The following IRAG1 variants were observed in gnomAD, a reference collection of about 807,000 sequenced individuals.
IRAG1 encodes inositol 1,4,5-triphosphate receptor associated 1.
A neutral mutation model predicts 106.2 loss-of-function variants in IRAG1; 62 were observed. The observed-to-expected ratio is 0.58, with a 90% confidence interval of 0.48 to 0.72. The LOEUF (loss-of-function observed/expected upper bound fraction) is 0.72. Ranked by LOEUF, IRAG1 falls within the 30% of genes least tolerant of loss-of-function variation. The probability of loss-of-function intolerance (pLI) is 0.00; values close to 1 mark genes in which losing one functional copy is unlikely to be tolerated. For missense variants in IRAG1, 1,064 were observed against 1,140.7 expected (o/e 0.93, Z 0.97); for synonymous variants, 462 against 443.9 (o/e 1.04, Z -0.51).
At chr11:10,677,007 C>G (rs1268005931) in intron 1 of IRAG1, among the ~76,000 whole-genome samples, 1 of 152,178 alleles carries the variant, frequency 6.6e-6, no homozygotes, top group Non-Finnish European at 1.5e-5. Flanking sequence ...TTAGAAGATG[C>G]CTTGACTCCC....
Position 10,576,156 on chromosome 11 carries a change from A to C in IRAG1, c.*176T>G. ...GCAGTTTTGTTGATCCTCCAAGAAC[A>C]TCAAGTCACTGTGTATGAATAGCTC... On this transcript the variant is annotated 3_prime_UTR_variant, in exon 21 of 21. Transcript: ENST00000423302. 2 of 791,988 alleles carry C rather than the reference A, an allele frequency of 2.5e-6. No homozygotes were observed. Among genetic ancestry groups the C allele is most frequent in the Middle Eastern group, 3.8e-4 (1 of 2,648 alleles). 49.1% of individuals were successfully genotyped at this position (791,988 alleles called of 1,614,324 possible).
chr11:10,598,113 C>T (rs188872135), intron 15 of IRAG1, among the ~76,000 whole-genome samples: 7 of 152,266 alleles, frequency 4.6e-5, no homozygotes, highest in East Asian at 1.9e-4. Flanking sequence ...AGTCCTTGGA[C>T]GCCCTTAACT....
At chr11:10,675,902 C>T (rs1027824630) in intron 1 of IRAG1, among the ~76,000 whole-genome samples, 4 of 152,216 alleles carry the variant, frequency 2.6e-5, no homozygotes, top group African/African-American at 2.4e-5. Context: ...ACCCACTGAT[C>T]GACCACGACT....
intron 10 of IRAG1, among the ~76,000 whole-genome samples, chr11:10,618,935 G>A (rs1335908697): frequency 1.3e-5 from 2 of 152,164 alleles, no homozygotes; most frequent in African/African-American, 2.4e-5. Context: ...TGCTGTGTTG[G>A]CCATGGTGTG....
chr11:10,588,431 C>A (rs536952820), intron 18 of IRAG1, among the ~76,000 whole-genome samples: 3 of 152,146 alleles, frequency 2.0e-5, no homozygotes, highest in African/African-American at 7.2e-5. Flanking sequence ...CTCACTGAAA[C>A]TTCTCCCGGC....
At chr11:10,576,681 T>C (rs1287137249) in intron 20 of IRAG1, 106 bp from the exon 21 acceptor site, 10 of 1,439,710 alleles carry the variant, frequency 6.9e-6, no homozygotes, top group South Asian at 2.5e-5. Context: ...TCTTGAGCAA[T>C]AGTTCTCAAA....
chr11:10,689,992 T>C (rs892403621), intron 1 of IRAG1, among the ~76,000 whole-genome samples: 4 of 152,152 alleles, frequency 2.6e-5, no homozygotes, highest in Non-Finnish European at 5.9e-5. Context: ...AAAAACTGAA[T>C]AGAAATTACA....
At chr11:10,599,149 CTG>C (rs750347727) in intron 15 of IRAG1, among the ~76,000 whole-genome samples, 2 of 152,204 alleles carry the variant, frequency 1.3e-5, no homozygotes, top group African/African-American at 2.4e-5. Flanking sequence ...ATGTGGGACT[CTG>C]TGGTGTATTC....
intron 1 of IRAG1, among the ~76,000 whole-genome samples, chr11:10,676,402 C>T (rs7939686): frequency 0.4 from 60,968 of 152,058 alleles, 12,581 homozygotes; most frequent in African/African-American, 0.47. Flanking sequence ...AGCAGCACAT[C>T]CATCATACTT....
Position 10,594,679 on chromosome 11 carries a change from C to T in IRAG1, c.2018-484G>A, listed in dbSNP as rs150196242. Among the ~76,000 whole-genome samples, 913 of 152,212 alleles carry T rather than the reference C, an allele frequency of 6.0e-3. 9 individuals carry two copies. The highest frequency in any genetic ancestry group is 0.01 in the Non-Finnish European group (682 of 68,016). On this transcript the variant is annotated intron_variant, in intron 15 of 20. Coordinates refer to ENST00000423302, the MANE Select transcript of IRAG1 (RefSeq NM_130385.4). The stretch of plus-strand genomic sequence containing the variant: ...GACTCAGAGCAAAGGAAGCTACCAC[C>T]CCAGGATTTTCTTCTCCTTACTACA...
intron 20 of IRAG1, 43 bp from the exon 21 acceptor site, chr11:10,576,618 C>A (rs570036245): frequency 1.2e-6 from 2 of 1,609,942 alleles, no homozygotes; most frequent in South Asian, 2.2e-5. Flanking sequence ...GTATACTGGG[C>A]ACACATATGA....
intron 18 of IRAG1, among the ~76,000 whole-genome samples, chr11:10,586,786 G>A (rs920854240): frequency 2.7e-5 from 4 of 148,618 alleles, no homozygotes; most frequent in Non-Finnish European, 6.1e-5. Flanking sequence ...ATTGATGTAT[G>A]TTTTAGATAC....
Position 10,580,521 on chromosome 11 carries a change from C to A in IRAG1, c.2429G>T (p.Ser810Ile). The part of the protein sequence containing the change: ...DLKEEEEEQK[S>I]ESPEEPEEVE... ...CTCTTCAGGTTCCTCAGGACTCTCA[C>A]TCTTCTGTTCTTCCTCCTCCTCCTT... Residue 810 changes from serine to isoleucine, a missense_variant, in exon 20 of 21, where the codon AGT (serine) becomes ATT (isoleucine). Transcript: ENST00000423302. 6.2e-7 allele frequency: 1 copy of A among 1,613,966 alleles called. No individual in the cohort carries two copies. Among genetic ancestry groups the A allele is most frequent in the Non-Finnish European group, 8.5e-7 (1 of 1,179,870 alleles).
intron 20 of IRAG1, among the ~76,000 whole-genome samples, chr11:10,578,252 G>A (rs1009847381): frequency 6.6e-6 from 1 of 152,192 alleles, no homozygotes; most frequent in African/African-American, 2.4e-5. Context: ...AAAAGTAAAG[G>A]AACCTAAATG....
chr11:10,639,342 C>A (rs971795174), intron 2 of IRAG1, among the ~76,000 whole-genome samples: 10 of 152,130 alleles, frequency 6.6e-5, no homozygotes, highest in African/African-American at 1.9e-4. Flanking sequence ...GATGATTTGA[C>A]AAACATAAAT....
At chr11:10,677,711 C>T (rs1423711234) in intron 1 of IRAG1, among the ~76,000 whole-genome samples, 1 of 152,202 alleles carries the variant, frequency 6.6e-6, no homozygotes, top group Non-Finnish European at 1.5e-5. Context: ...GCACCTATCA[C>T]CCCTACCTAG....
chr11:10,691,262 C>T (rs938349298), intron 1 of IRAG1, among the ~76,000 whole-genome samples: 25 of 152,228 alleles, frequency 1.6e-4, no homozygotes, highest in African/African-American at 5.5e-4. Flanking sequence ...CTGAGCACTT[C>T]GTGTGCTCCC....
intron 2 of IRAG1, among the ~76,000 whole-genome samples, chr11:10,637,331 T>G (rs1857216300): frequency 6.6e-6 from 1 of 152,158 alleles, no homozygotes; most frequent in South Asian, 2.1e-4. Flanking sequence ...CCTGTCCTCA[T>G]GATCCCAGAG....
intron 2 of IRAG1, among the ~76,000 whole-genome samples, chr11:10,643,091 C>A (rs935780518): frequency 2.0e-5 from 3 of 146,908 alleles, no homozygotes; most frequent in Non-Finnish European, 4.5e-5. Flanking sequence ...GGGAGAATGG[C>A]GTGAACCCAG....
Sources: allele counts gnomAD v4.1 joint callset (sites outside exome capture counted in the v4.1 genomes callset), GRCh38; gene constraint gnomAD v4.1.1; transcripts MANE v1.5; gene names NCBI Gene and HGNC (gene_info 2026-07-23, HGNC 2026-07-21).